The following KCNK9 variants were observed in gnomAD, a reference collection of about 807,000 sequenced individuals.
The protein encoded by KCNK9 is potassium channel subfamily K member 9.
Under a neutral mutation model 10.8 loss-of-function variants are expected in KCNK9, and 1 was observed. The ratio of observed to expected loss-of-function variants is 0.09; its 90% CI spans 0.03 to 0.44. The LOEUF is 0.44. Ranked by LOEUF, KCNK9 falls within the 20% of genes least tolerant of loss-of-function variation. The probability of loss-of-function intolerance (pLI) is 0.97; values close to 1 mark genes in which losing one functional copy is unlikely to be tolerated. For missense variants in KCNK9, 303 were observed against 515.0 expected (o/e 0.59, Z 3.98); for synonymous variants, 231 against 222.7 (o/e 1.04, Z -0.33).
chr8:139,690,055 G>A (rs73360072), intron 1 of KCNK9, among the ~76,000 whole-genome samples: 1,646 of 152,294 alleles, frequency 0.011, 31 homozygotes, highest in African/African-American at 0.036. Context: ...ACTGTGAACA[G>A]TAATAGATGG....
chr8:139,621,371 C>G (rs1178499085), intron 1 of KCNK9, among the ~76,000 whole-genome samples: 2 of 151,374 alleles, frequency 1.3e-5, no homozygotes, highest in Admixed American at 1.3e-4. Flanking sequence ...CCAGGCAGGA[C>G]AAATACAAAG....
At chr8:139,631,066 C>T (rs1482862205) in intron 1 of KCNK9, among the ~76,000 whole-genome samples, 6 of 152,226 alleles carry the variant, frequency 3.9e-5, no homozygotes, top group South Asian at 4.1e-4. Flanking sequence ...GGCACTCGGG[C>T]GACTGCAGGG....
chr8:139,679,903 G>A (rs535152606), intron 1 of KCNK9, among the ~76,000 whole-genome samples: 2 of 152,306 alleles, frequency 1.3e-5, no homozygotes, highest in East Asian at 3.9e-4. Flanking sequence ...CCCTCAGCCT[G>A]GGTGCCTTTC....
intron 1 of KCNK9, among the ~76,000 whole-genome samples, chr8:139,681,517 T>A (rs1268008737): frequency 6.6e-6 from 1 of 152,070 alleles, no homozygotes; most frequent in Admixed American, 6.5e-5. Context: ...GGTCCACACA[T>A]CTCCTTACTT....
chr8:139,689,908 T>C (rs1816900294), intron 1 of KCNK9, among the ~76,000 whole-genome samples: 1 of 152,180 alleles, frequency 6.6e-6, no homozygotes, highest in African/African-American at 2.4e-5. Flanking sequence ...CCCAAAGTGC[T>C]GGGATTACAG....
chr8:139,623,354 C>A (rs1313462056), intron 1 of KCNK9, among the ~76,000 whole-genome samples: 1 of 152,144 alleles, frequency 6.6e-6, no homozygotes, highest in African/African-American at 2.4e-5. Context: ...CATACATTAC[C>A]CATTCAGATA....
intron 1 of KCNK9, among the ~76,000 whole-genome samples, chr8:139,700,520 G>T (rs74894858): frequency 7.1e-6 from 1 of 141,320 alleles, no homozygotes; most frequent in African/African-American, 2.7e-5. Flanking sequence ...GCGCGCGCGC[G>T]CACACACACA....
intron 1 of KCNK9, among the ~76,000 whole-genome samples, chr8:139,689,788 G>A (rs893205273): frequency 8.6e-5 from 13 of 151,906 alleles, no homozygotes; most frequent in Non-Finnish European, 1.5e-5. Flanking sequence ...GACTACAGGC[G>A]CCCGCCACCA....
intron 1 of KCNK9, among the ~76,000 whole-genome samples, chr8:139,691,144 T>G (rs961752600): frequency 6.6e-6 from 1 of 152,182 alleles, no homozygotes; most frequent in African/African-American, 2.4e-5. Flanking sequence ...TGGGTCAGAC[T>G]GACAAGGCAA....
At chr8:139,647,460 AGT>A (rs1815724817) in intron 1 of KCNK9, among the ~76,000 whole-genome samples, 1 of 152,240 alleles carries the variant, frequency 6.6e-6, no homozygotes, top group East Asian at 1.9e-4. Flanking sequence ...GGCGGGAGAC[AGT>A]GCATGCCCAG....
chr8:139,625,345 T>C (rs1814936751), intron 1 of KCNK9, among the ~76,000 whole-genome samples: 1 of 152,226 alleles, frequency 6.6e-6, no homozygotes. Context: ...ACTCCTCACC[T>C]ATCCAGACCC....
At position 139,654,334 on chromosome 8, in the gene KCNK9, G is replaced by A. The variant is rs73727203; in HGVS notation, c.284-35235C>T. Among the ~76,000 whole-genome samples, 1,293 of 152,312 alleles carry A rather than the reference G, an allele frequency of 8.5e-3. 16 individuals carry two copies. Among genetic ancestry groups the A allele is most frequent in the African/African-American group, 0.029 (1,206 of 41,560 alleles). ...CTGGGGATGGCTCTGCCTGGTCAGA[G>A]AGCAGAGCTGCTGAACAGGACGCTG... On this transcript the variant is annotated intron_variant, in intron 1 of 1. Transcript: ENST00000520439.
At chr8:139,642,830 C>T (rs1815545841) in intron 1 of KCNK9, among the ~76,000 whole-genome samples, 1 of 152,210 alleles carries the variant, frequency 6.6e-6, no homozygotes, top group South Asian at 2.1e-4. Flanking sequence ...GAGTGGCGGC[C>T]CCCATGGGGA....
chr8:139,620,006 G>A (rs574541964), intron 1 of KCNK9, among the ~76,000 whole-genome samples: 6 of 152,304 alleles, frequency 3.9e-5, no homozygotes, highest in South Asian at 2.1e-4. Flanking sequence ...ACTTCATTGC[G>A]TGGTTGCTGC....
At chr8:139,691,078 C>T (rs1816924969) in intron 1 of KCNK9, among the ~76,000 whole-genome samples, 1 of 152,252 alleles carries the variant, frequency 6.6e-6, no homozygotes, top group Admixed American at 6.5e-5. Flanking sequence ...ACACGGCACC[C>T]TTCCCCACTG....
chr8:139,678,460 C>A (rs1220650104), intron 1 of KCNK9, among the ~76,000 whole-genome samples: 1 of 152,236 alleles, frequency 6.6e-6, no homozygotes. Context: ...GGTCAGCACC[C>A]AGCTCGGCCC....
At chr8:139,671,848 A>G (rs1816435091) in intron 1 of KCNK9, among the ~76,000 whole-genome samples, 1 of 152,180 alleles carries the variant, frequency 6.6e-6, no homozygotes, top group African/African-American at 2.4e-5. Flanking sequence ...GGTGTGAGCC[A>G]CCGCACCCGG....
At chr8:139,625,886 T>G (rs1814957145) in intron 1 of KCNK9, among the ~76,000 whole-genome samples, 1 of 152,146 alleles carries the variant, frequency 6.6e-6, no homozygotes, top group Non-Finnish European at 1.5e-5. Flanking sequence ...CACTCCCCAG[T>G]GGCTCCTGCA....
chr8:139,635,629 C>T (rs1044578787), intron 1 of KCNK9, among the ~76,000 whole-genome samples: 2 of 152,202 alleles, frequency 1.3e-5, no homozygotes, highest in Non-Finnish European at 2.9e-5. Flanking sequence ...GACTCCCAGC[C>T]ACCTGTCTTT....
Sources: allele counts gnomAD v4.1 joint callset (sites outside exome capture counted in the v4.1 genomes callset), GRCh38; gene constraint gnomAD v4.1.1; transcripts MANE v1.5; gene names NCBI Gene and HGNC (gene_info 2026-07-23, HGNC 2026-07-21).